The following DEPDC5 variants were observed in gnomAD, a reference collection of about 807,000 sequenced individuals.
DEPDC5 encodes the protein DEP domain containing 5, GATOR1 subcomplex subunit, also known as GATOR1 complex protein DEPDC5.
DEPDC5 carries 73 observed loss-of-function variants against 217.3 expected under a neutral mutation model. The observed-to-expected ratio is 0.34, with a 90% CI of 0.28 to 0.41. The LOEUF (loss-of-function observed/expected upper bound fraction) is 0.41. Among genes scored for constraint, DEPDC5 ranks in the 10% least tolerant of loss-of-function variants. DEPDC5 has a pLI of 1.00. For synonymous variants in DEPDC5, 733 were observed against 756.7 expected, an observed-to-expected ratio of 0.97 and a Z score of 0.51; for missense variants, 1,675 against 2,070.1, an observed-to-expected ratio of 0.81 and a Z score of 3.70.
chr22:31,763,595 G>C (rs2082581520), intron 4 of DEPDC5, among the ~76,000 whole-genome samples: 1 of 151,458 alleles, frequency 6.6e-6, no homozygotes, highest in South Asian at 2.1e-4. Flanking sequence ...CAGACGCCCA[G>C]CCCACAGGAT....
At chr22:31,841,063 C>T (rs2091359986) in intron 27 of DEPDC5, among the ~76,000 whole-genome samples, 1 of 152,236 alleles carries the variant, frequency 6.6e-6, no homozygotes, top group Admixed American at 6.5e-5. Flanking sequence ...TTCCCAACAG[C>T]CAGCAGAGTG....
intron 14 of DEPDC5, 129 bp downstream of exon 14, chr22:31,798,785 C>A: frequency 1.2e-6 from 1 of 801,534 alleles, no homozygotes; most frequent in Non-Finnish European, 1.9e-6. Flanking sequence ...CAGGACCAGT[C>A]CACAGAATAA....
intron 7 of DEPDC5, among the ~76,000 whole-genome samples, chr22:31,773,085 C>G (rs1029758593): frequency 2.6e-5 from 4 of 152,110 alleles, no homozygotes. Flanking sequence ...CCTGGCTGAT[C>G]TCTTTCTTTT....
intron 38 of DEPDC5, among the ~76,000 whole-genome samples, chr22:31,886,883 A>G (rs2093327780): frequency 1.3e-5 from 2 of 151,032 alleles, no homozygotes; most frequent in South Asian, 2.1e-4. Flanking sequence ...AGCCTGGCCA[A>G]CATGGTGAAA....
chr22:31,755,603 C>T, intron 2 of DEPDC5: 1 of 151,730 alleles, frequency 6.6e-6, no homozygotes, highest in Non-Finnish European at 1.5e-5. Flanking sequence ...CACGGTCCCC[C>T]ATGTTGCCCA....
At chr22:31,805,638 T>A (rs570648523) in intron 17 of DEPDC5, among the ~76,000 whole-genome samples, 19 of 152,202 alleles carry the variant, frequency 1.2e-4, no homozygotes, top group African/African-American at 4.6e-4. Context: ...GTAGTTGGGA[T>A]TACAGGTGCC....
intron 28 of DEPDC5, 24 bp from the exon 29 acceptor site, chr22:31,843,620 TG>T: frequency 1.3e-6 from 2 of 1,581,730 alleles, no homozygotes; most frequent in South Asian, 1.1e-5. Flanking sequence ...CTTTTGAATT[TG>T]GGGACCTGCC....
chr22:31,788,619 G>T (rs2085286792), intron 10 of DEPDC5, among the ~76,000 whole-genome samples: 1 of 151,492 alleles, frequency 6.6e-6, no homozygotes, highest in Non-Finnish European at 1.5e-5. Context: ...TGTTGCCCAG[G>T]CTGGAGTACA....
intron 7 of DEPDC5, among the ~76,000 whole-genome samples, chr22:31,772,248 G>C (rs2083431506): frequency 6.6e-6 from 1 of 152,054 alleles, no homozygotes. Flanking sequence ...ACAAAAATTT[G>C]TTAGCGGGTC....
chr22:31,824,023 A>G (rs1347600233), intron 24 of DEPDC5, among the ~76,000 whole-genome samples: 3 of 152,246 alleles, frequency 2.0e-5, no homozygotes, highest in African/African-American at 7.2e-5. Flanking sequence ...TTAGTGTTCT[A>G]TAAGCTAACT....
At chr22:31,840,247 A>C (rs1365353206) in intron 27 of DEPDC5, among the ~76,000 whole-genome samples, 1 of 152,160 alleles carries the variant, frequency 6.6e-6, no homozygotes, top group Non-Finnish European at 1.5e-5. Context: ...CCCAAAGTAC[A>C]TGTAGGAGTT....
intron 8 of DEPDC5, among the ~76,000 whole-genome samples, chr22:31,782,905 A>G (rs1349389464): frequency 6.6e-6 from 1 of 152,332 alleles, no homozygotes; most frequent in Middle Eastern, 3.4e-3. Context: ...GAAACAAAGA[A>G]TGCTCGGATG....
rs563519687 is a variant in DEPDC5 at position 31,847,397 on chromosome 22, A to G, written c.3155+430A>G. 5.3e-5 allele frequency among the ~76,000 whole-genome samples: 8 copies of G among 152,026 alleles called. No homozygotes were observed. The South Asian group carries it at 8.3e-4, about 16-fold the overall frequency. On this transcript the variant is annotated intron_variant, in intron 31 of 42. Transcript: ENST00000651528. ...AAGCCAGGTATATTAGTCCATTCTC[A>G]CACTGCTAATAAAGACATACCTGGG...
rs550051200 is a variant in DEPDC5 at position 31,874,552 on chromosome 22, T to A, written c.3696+147T>A. 7.3e-4 allele frequency: 714 copies of A among 984,200 alleles called. 1 individual carries two copies. The highest frequency in any genetic ancestry group is 9.2e-4 in the Non-Finnish European group (644 of 697,792). The allele number at this position is 984,200 out of a possible 1,614,324, so 61.0% of individuals were successfully genotyped here. A position where few individuals can be genotyped will look rare whatever the true frequency, so the allele number is the denominator to read the frequency against. ...AATAAGTGGGAGGCCTTTCTGGAAT[T>A]GATGAAAGAACAAGTCTTGCTTTGA... On this transcript the variant is annotated intron_variant, in intron 36 of 42. Transcript: ENST00000651528.
At chr22:31,889,408 A>G (rs1602782148) in intron 38 of DEPDC5, among the ~76,000 whole-genome samples, 1 of 152,222 alleles carries the variant, frequency 6.6e-6, no homozygotes, top group East Asian at 1.9e-4. Context: ...CATGTTCTGA[A>G]CTTAACATGC....
chr22:31,836,689 G>A (rs568806211), intron 25 of DEPDC5, among the ~76,000 whole-genome samples: 1 of 152,270 alleles, frequency 6.6e-6, no homozygotes, highest in Admixed American at 6.5e-5. Flanking sequence ...AATCTCACCT[G>A]CATTGCGGCT....
At chr22:31,824,481 T>G (rs1312247821) in intron 24 of DEPDC5, among the ~76,000 whole-genome samples, 1 of 152,238 alleles carries the variant, frequency 6.6e-6, no homozygotes, top group East Asian at 1.9e-4. Flanking sequence ...GAATCTGGGT[T>G]GGCAGTAAGA....
At chr22:31,870,836 C>T (rs904424583) in intron 34 of DEPDC5, 92 bp downstream of exon 34, 28 of 1,348,698 alleles carry the variant, frequency 2.1e-5, no homozygotes, top group Non-Finnish European at 2.5e-5. Flanking sequence ...AGCTCTGGGC[C>T]GAGTTCTGAC....
chr22:31,880,628 G>A (rs549947777), intron 38 of DEPDC5, among the ~76,000 whole-genome samples: 4 of 152,340 alleles, frequency 2.6e-5, no homozygotes, highest in East Asian at 3.9e-4. Flanking sequence ...GGCCGGGCAC[G>A]GTGGCCCACG....
Sources: gnomAD v4.1 joint callset for allele counts (sites outside exome capture counted in the v4.1 genomes callset) on GRCh38, gnomAD v4.1.1 for gene constraint, MANE v1.5 for transcripts, NCBI Gene and HGNC (gene_info 2026-07-23, HGNC 2026-07-21) for gene names.